The following TBX19 variants were observed in gnomAD, a reference collection of about 807,000 sequenced individuals.
TBX19 encodes the protein T-box transcription factor 19, also known as T-box transcription factor TBX19.
A neutral mutation model predicts 40.9 loss-of-function variants in TBX19; 33 were observed. The ratio of observed to expected loss-of-function variants is 0.81; its 90% CI spans 0.61 to 1.08. TBX19 has a LOEUF of 1.08. TBX19 is among the 50% of genes least tolerant of loss of function. The probability of loss-of-function intolerance (pLI) is 0.00; values close to 1 mark genes in which losing one functional copy is unlikely to be tolerated. For synonymous variants in TBX19, 220 were observed against 225.0 expected, an observed-to-expected ratio of 0.98 and a Z score of 0.20; for missense variants, 494 against 574.0, an observed-to-expected ratio of 0.86 and a Z score of 1.42.
At chr1:168,292,708 C>T (rs889376774) in intron 2 of TBX19, among the ~76,000 whole-genome samples, 1 of 151,526 alleles carries the variant, frequency 6.6e-6, no homozygotes, top group Non-Finnish European at 1.5e-5. Context: ...ACTAAAAATA[C>T]AAAAAATTAG....
At position 168,284,073 on chromosome 1, in the gene TBX19, C is replaced by T. The variant is rs1476838991; in HGVS notation, c.203+2780C>T. 2.6e-5 allele frequency among the ~76,000 whole-genome samples: 4 copies of T among 152,290 alleles called. No homozygotes were observed. The East Asian group carries it at 7.7e-4, about 29-fold the overall frequency. ...AACTGGGATCCTGATGTTGGCCTCT[C>T]TTCTTTCGTTCCTTCCTTTCTCTCT... On this transcript the variant is annotated intron_variant, in intron 1 of 7. Coordinates refer to ENST00000367821, the MANE Select transcript of TBX19 (RefSeq NM_005149.3).
intron 5 of TBX19, 58 bp from the exon 6 acceptor site, chr1:168,304,950 A>ATT: frequency 1.9e-6 from 3 of 1,567,292 alleles, no homozygotes; most frequent in Non-Finnish European, 2.6e-6. Context: ...TGGTCACCTG[A>ATT]TTTTTGGTGT....
chr1:168,281,425 C>G, intron 1 of TBX19, 132 bp downstream of exon 1: 2 of 837,796 alleles, frequency 2.4e-6, no homozygotes, highest in Non-Finnish European at 4.0e-6. Flanking sequence ...ACAGGAACGA[C>G]TGTCTCCAAT....
Position 168,313,102 on chromosome 1 carries a change from T to C in TBX19, c.*100T>C. 6.9e-7 allele frequency: 1 copy of C among 1,442,758 alleles called. No homozygotes were observed. Among genetic ancestry groups the C allele is most frequent in the Admixed American group, 1.8e-5 (1 of 56,558 alleles). The allele number at this position is 1,442,758 out of a possible 1,614,324, so 89.4% of individuals were successfully genotyped here. On this transcript the variant is annotated 3_prime_UTR_variant, in exon 8 of 8. Transcript: ENST00000367821. Reference sequence around the variant, plus strand: ...AGTGAGTCAGACTGTGGAATCTCCCTTCCCACTAGCTGGAGGTGGAGGTGG... The same window carrying C: ...AGTGAGTCAGACTGTGGAATCTCCCCTCCCACTAGCTGGAGGTGGAGGTGG...
chr1:168,308,136 T>C (rs1294629388), intron 6 of TBX19: 1 of 135,042 alleles, frequency 7.4e-6, no homozygotes. Flanking sequence ...AGGTATGTTT[T>C]TTTCTTAATT....
intron 3 of TBX19, among the ~76,000 whole-genome samples, chr1:168,294,367 C>G (rs369770675): frequency 6.6e-6 from 1 of 151,418 alleles, no homozygotes; most frequent in Non-Finnish European, 1.5e-5. Flanking sequence ...GAGTTTCACT[C>G]TTGTTGCGCA....
chr1:168,282,249 A>T (rs960168423), intron 1 of TBX19, among the ~76,000 whole-genome samples: 2 of 152,180 alleles, frequency 1.3e-5, no homozygotes, highest in Non-Finnish European at 2.9e-5. Context: ...AGCCGAGGCC[A>T]TCTGAACTTC....
Position 168,300,549 on chromosome 1 carries a change from T to C in TBX19, c.727+66T>C, listed in dbSNP as rs113207778. ...TACCTGGAGCCAGCTCCTTCCACAC[T>C]CAGACTCTTTGCCTGTCAGGACTGC... On this transcript the variant is annotated intron_variant, in intron 5 of 7. Coordinates refer to ENST00000367821, the MANE Select transcript of TBX19 (RefSeq NM_005149.3). The C allele has an allele frequency of 4.1e-6, 6 of 1,452,896 alleles. No individual in the cohort carries two copies. In the African/African-American group the frequency reaches 5.6e-5, roughly 13 times the overall value. The allele number at this position is 1,452,896 out of a possible 1,614,324, so 90.0% of individuals were successfully genotyped here.
chr1:168,298,856 T>C lies in TBX19; in HGVS notation c.665+1071T>C, dbSNP rs1385718135. Among the ~76,000 whole-genome samples, 83 of 96,614 alleles carry C rather than the reference T, an allele frequency of 8.6e-4. 5 individuals carry two copies. Among genetic ancestry groups the C allele is most frequent in the East Asian group, 1.9e-3 (5 of 2,638 alleles). The allele number at this position is 96,614 out of a possible 152,430, so 63.4% of individuals were successfully genotyped here. On this transcript the variant is annotated intron_variant, in intron 4 of 7. Transcript: ENST00000367821. ...CTTTCTTTCTTTCTTTCTTTCTTTC[T>C]TTCTTTCTTTCTTTCTTTCTTTCTT...
At chr1:168,294,577 C>T (rs996304801) in intron 3 of TBX19, among the ~76,000 whole-genome samples, 56 of 152,218 alleles carry the variant, frequency 3.7e-4, no homozygotes, top group African/African-American at 1.3e-3. Context: ...TCTCAGCTCA[C>T]TGCAACCTCT....
intron 1 of TBX19, among the ~76,000 whole-genome samples, chr1:168,288,719 T>G (rs1037459720): frequency 6.6e-6 from 1 of 152,160 alleles, no homozygotes; most frequent in Non-Finnish European, 1.5e-5. Flanking sequence ...GAGTTTTTGT[T>G]CTTACTTTTA....
At chr1:168,306,555 G>A (rs573448120) in intron 6 of TBX19, among the ~76,000 whole-genome samples, 9 of 150,408 alleles carry the variant, frequency 6.0e-5, no homozygotes, top group Non-Finnish European at 1.3e-4. Context: ...GAATCCGGGA[G>A]GCAGAGGCTG....
At chr1:168,291,685 T>G (rs187807187) in intron 2 of TBX19, among the ~76,000 whole-genome samples, 3 of 152,280 alleles carry the variant, frequency 2.0e-5, no homozygotes. Flanking sequence ...TTTCATAGTT[T>G]CGTCTTGTGT....
intron 6 of TBX19, 159 bp from the exon 7 acceptor site, chr1:168,308,583 C>G: frequency 1.1e-6 from 1 of 892,824 alleles, no homozygotes; most frequent in Non-Finnish European, 1.7e-6. Flanking sequence ...AGGAAACCCA[C>G]GTTTCTTTTT....
chr1:168,300,239 T>C (rs896530578), intron 4 of TBX19, among the ~76,000 whole-genome samples, 183 bp from the exon 5 acceptor site: 4 of 151,974 alleles, frequency 2.6e-5, no homozygotes. Flanking sequence ...CAAGAGCAAT[T>C]GCACAAGTAG....
intron 1 of TBX19, among the ~76,000 whole-genome samples, chr1:168,290,263 T>C (rs1350152661): frequency 1.3e-5 from 2 of 152,192 alleles, no homozygotes; most frequent in East Asian, 1.9e-4. Flanking sequence ...CTCCAAATAT[T>C]TGTGAGAGTA....
At position 168,291,193 on chromosome 1, in the gene TBX19, A is replaced by G. The variant is rs769735913; in HGVS notation, c.237A>G (p.Thr79=). The change falls in exon 2 of 8, where the codon ACA becomes ACG. Residue 79 remains threonine (T), a synonymous_variant. Coordinates refer to ENST00000367821, the MANE Select transcript of TBX19 (RefSeq NM_005149.3). Reference sequence around the variant, plus strand: ...TTCCAGTCCTAAAGATTAGTGTCACAGGGTTGGACCCCAATGCCATGTACT... The same window carrying G: ...TTCCAGTCCTAAAGATTAGTGTCACGGGGTTGGACCCCAATGCCATGTACT... The part of the protein sequence containing the change: ...RMFPVLKISV[T]GLDPNAMYSL... 3.1e-6 allele frequency: 5 copies of G among 1,614,204 alleles called. No homozygotes were observed. In the Admixed American group the frequency reaches 8.3e-5, roughly 27 times the overall value.
intron 4 of TBX19, among the ~76,000 whole-genome samples, chr1:168,298,162 T>C (rs189295835): frequency 1.4e-3 from 207 of 152,250 alleles, no homozygotes; most frequent in South Asian, 9.7e-3. Context: ...CGCCACTGCA[T>C]TCCAGCCTGG....
At chr1:168,290,614 C>G (rs1648912594) in intron 1 of TBX19, among the ~76,000 whole-genome samples, 1 of 152,090 alleles carries the variant, frequency 6.6e-6, no homozygotes, top group Admixed American at 6.6e-5. Context: ...GCAGTGGCAC[C>G]ATCACAGCTC....
Sources: gnomAD v4.1 joint callset for allele counts (sites outside exome capture counted in the v4.1 genomes callset) on GRCh38, gnomAD v4.1.1 for gene constraint, MANE v1.5 for transcripts, NCBI Gene and HGNC (gene_info 2026-07-23, HGNC 2026-07-21) for gene names.